CCDC171: variants seen among roughly 807,000 people sequenced by gnomAD.
CCDC171 encodes the protein coiled-coil domain-containing protein 171.
CCDC171 carries 177 observed loss-of-function variants against 168.2 expected under a neutral mutation model. The ratio of observed to expected loss-of-function variants is 1.05; its 90% confidence interval spans 0.93 to 1.19. CCDC171 has a LOEUF of 1.19. Among genes scored for constraint, CCDC171 ranks in the 50% most tolerant of loss-of-function variants. CCDC171 has a pLI of 0.00. For missense variants in CCDC171, 1,991 were observed against 1,539.0 expected, an observed-to-expected ratio of 1.29 and a Z score of -4.91; for synonymous variants, 687 against 540.8, an observed-to-expected ratio of 1.27 and a Z score of -3.75.
At position 15,960,890 on chromosome 9, in the gene CCDC171, A is replaced by G. The variant is rs572207763; in HGVS notation, c.3754-10719A>G. Among the ~76,000 whole-genome samples the G allele has an allele frequency of 4.4e-4, 67 of 152,228 alleles. 1 individual carries two copies. In the South Asian group the frequency reaches 5.6e-3, roughly 13 times the overall value. On this transcript the variant is annotated intron_variant, in intron 25 of 25. Coordinates refer to ENST00000380701, the MANE Select transcript of CCDC171 (RefSeq NM_173550.4). ...CCCTGGGGAGTATAGAGCTTATACCATGGTCAGTGGGGAAATAAAGGCAGC... is the reference window on the plus strand; with the variant it reads ...CCCTGGGGAGTATAGAGCTTATACCGTGGTCAGTGGGGAAATAAAGGCAGC...
intron 18 of CCDC171, among the ~76,000 whole-genome samples, chr9:15,766,086 G>T (rs1411326748): frequency 1.3e-5 from 2 of 152,154 alleles, no homozygotes; most frequent in African/African-American, 4.8e-5. Context: ...TATTATAAAA[G>T]ATTTGGGCTT....
At chr9:15,652,253 A>G (rs1195011991) in intron 7 of CCDC171, among the ~76,000 whole-genome samples, 1 of 152,156 alleles carries the variant, frequency 6.6e-6, no homozygotes, top group Non-Finnish European at 1.5e-5. Flanking sequence ...TCTTTTGCCT[A>G]TTTATATCCA....
intron 24 of CCDC171, among the ~76,000 whole-genome samples, chr9:15,897,922 C>G (rs1345692931): frequency 2.6e-5 from 4 of 152,146 alleles, no homozygotes; most frequent in African/African-American, 9.7e-5. Flanking sequence ...AATCCCAATT[C>G]TGCTCTTTAT....
intron 18 of CCDC171, among the ~76,000 whole-genome samples, chr9:15,762,632 G>A (rs544348624): frequency 6.6e-6 from 1 of 152,224 alleles, no homozygotes; most frequent in South Asian, 2.1e-4. Context: ...ATCAGACATA[G>A]GACTTTTTCT....
intron 7 of CCDC171, among the ~76,000 whole-genome samples, chr9:15,648,782 T>C (rs2047255566): frequency 6.6e-6 from 1 of 152,168 alleles, no homozygotes; most frequent in South Asian, 2.1e-4. Context: ...TCCATGCTCA[T>C]GGATAGGAAG....
At chr9:15,636,172 A>G (rs958264157) in intron 7 of CCDC171, among the ~76,000 whole-genome samples, 3 of 152,058 alleles carry the variant, frequency 2.0e-5, no homozygotes, top group Non-Finnish European at 2.9e-5. Context: ...ATATATATCT[A>G]TAAGATGCTA....
At chr9:15,805,616 A>G (rs2059037284) in intron 21 of CCDC171, among the ~76,000 whole-genome samples, 1 of 152,112 alleles carries the variant, frequency 6.6e-6, no homozygotes, top group Admixed American at 6.6e-5. Context: ...ACTGTTTGTT[A>G]TGATTTCAGT....
chr9:15,964,918 G>T (rs577429244), intron 25 of CCDC171, among the ~76,000 whole-genome samples: 3 of 152,178 alleles, frequency 2.0e-5, no homozygotes, highest in African/African-American at 7.2e-5. Flanking sequence ...CCACCAGCAT[G>T]CCTGGCTAAT....
At chr9:15,928,280 G>A (rs1004664233) in intron 25 of CCDC171, among the ~76,000 whole-genome samples, 1 of 151,782 alleles carries the variant, frequency 6.6e-6, no homozygotes, top group African/African-American at 2.4e-5. Flanking sequence ...CACTTGGGCT[G>A]TGGTGAGGAA....
At chr9:15,918,048 G>A (rs1289480880) in intron 24 of CCDC171, among the ~76,000 whole-genome samples, 2 of 151,660 alleles carry the variant, frequency 1.3e-5, no homozygotes, top group Admixed American at 1.3e-4. Flanking sequence ...CATAGGTGAA[G>A]GGTTAAGAGA....
Position 15,870,617 on chromosome 9 carries a change from A to G in CCDC171, c.3469-3915A>G, listed in dbSNP as rs1013573419. ...ATACCTTGAGGTCTTCTGGCTTGGT[A>G]TCCAATTGGTAAAAATACAGCTAGT... On this transcript the variant is annotated intron_variant, in intron 23 of 25. Transcript: ENST00000380701. 7.0e-4 allele frequency among the ~76,000 whole-genome samples: 106 copies of G among 151,626 alleles called. 1 individual carries two copies. The highest frequency in any genetic ancestry group is 2.4e-3 in the African/African-American group (98 of 41,326).
chr9:15,688,132 A>G (rs1169593424), intron 10 of CCDC171, among the ~76,000 whole-genome samples: 4 of 151,118 alleles, frequency 2.6e-5, no homozygotes, highest in Non-Finnish European at 5.9e-5. Context: ...AAAAAAAAAA[A>G]AAAAAAAGAA....
At position 15,597,052 on chromosome 9, in the gene CCDC171, C is replaced by T. The variant is rs550576246; in HGVS notation, c.675+2880C>T. On this transcript the variant is annotated intron_variant, in intron 6 of 25. Transcript: ENST00000380701. ...AGCTTAAGGAGATTTTGGGCTGAGACGATGGGGTTTTCTAGTTATACAATC... is the reference window on the plus strand; with the variant it reads ...AGCTTAAGGAGATTTTGGGCTGAGATGATGGGGTTTTCTAGTTATACAATC... Among the ~76,000 whole-genome samples the T allele has an allele frequency of 3.1e-4, 47 of 152,132 alleles. 1 individual carries two copies. The highest frequency in any genetic ancestry group is 1.0e-3 in the African/African-American group (43 of 41,494).
At chr9:15,613,820 G>C (rs2043889090) in intron 6 of CCDC171, among the ~76,000 whole-genome samples, 2 of 152,114 alleles carry the variant, frequency 1.3e-5, no homozygotes, top group African/African-American at 4.8e-5. Flanking sequence ...ACCGTGCCTG[G>C]ACCTTGATTT....
chr9:15,905,782 T>C (rs1391261765), intron 24 of CCDC171, among the ~76,000 whole-genome samples: 1 of 151,934 alleles, frequency 6.6e-6, no homozygotes. Flanking sequence ...CTAGCAAGAC[T>C]AATAAAGAAG....
chr9:15,984,343 G>C (rs995802769), intron 3 of CCDC171, among the ~76,000 whole-genome samples: 2 of 152,090 alleles, frequency 1.3e-5, no homozygotes, highest in African/African-American at 4.8e-5. Context: ...ACTGTGGTTA[G>C]GTATGGGGTT....
chr9:15,802,842 C>T (rs11515218), intron 21 of CCDC171, among the ~76,000 whole-genome samples: 70,425 of 151,902 alleles, frequency 0.46, 16,488 homozygotes, highest in South Asian at 0.54. Flanking sequence ...CACTGTCTTC[C>T]ACATGGTCAA....
chr9:15,628,219 G>A (rs1355989149), intron 7 of CCDC171, among the ~76,000 whole-genome samples: 2 of 152,098 alleles, frequency 1.3e-5, no homozygotes, highest in Non-Finnish European at 2.9e-5. Context: ...CCGAAGCAGG[G>A]CGAGGCATTG....
intron 25 of CCDC171, among the ~76,000 whole-genome samples, chr9:15,952,004 C>A (rs909303578): frequency 1.3e-5 from 2 of 152,144 alleles, no homozygotes; most frequent in Non-Finnish European, 2.9e-5. Context: ...TTTGGTCTTA[C>A]ATTAGGTCCT....
Sources: gnomAD v4.1 joint callset for allele counts (sites outside exome capture counted in the v4.1 genomes callset) on GRCh38, gnomAD v4.1.1 for gene constraint, MANE v1.5 for transcripts, NCBI Gene and HGNC (gene_info 2026-07-23, HGNC 2026-07-21) for gene names.